RELN: variants seen among roughly 807,000 people sequenced by gnomAD.
RELN encodes reelin.
A neutral mutation model predicts 427.6 loss-of-function variants in RELN; 108 were observed. The observed-to-expected ratio is 0.25, with a 90% CI of 0.22 to 0.30. The LOEUF is 0.30. RELN is among the 10% of genes least tolerant of loss of function. The probability of loss-of-function intolerance (pLI) is 1.00; values close to 1 mark genes in which losing one functional copy is unlikely to be tolerated. For synonymous variants in RELN, 1,524 were observed against 1,513.4 expected, an observed-to-expected ratio of 1.01 and a Z score of -0.16; for missense variants, 3,715 against 4,302.8, an observed-to-expected ratio of 0.86 and a Z score of 3.82.
At chr7:103,537,970 C>T (rs537461276) in intron 45 of RELN, among the ~76,000 whole-genome samples, 2 of 152,312 alleles carry the variant, frequency 1.3e-5, no homozygotes, top group African/African-American at 4.8e-5. Flanking sequence ...CATTTTGTAT[C>T]AGCACTACTC....
At position 103,574,176 on chromosome 7, in the gene RELN, G is replaced by A. The variant is rs1830944662; in HGVS notation, c.4427C>T (p.Thr1476Ile). 8 of 1,614,156 alleles carry A rather than the reference G, an allele frequency of 5.0e-6. No individual in the cohort carries two copies. The highest frequency in any genetic ancestry group is 6.8e-6 in the Non-Finnish European group (8 of 1,180,008). Residue 1476 changes from threonine to isoleucine, a missense_variant, in exon 30 of 65, where the codon ACA becomes ATA. Around this residue, in one of 4 missense-constraint regions of RELN, gnomAD observed 2,208 missense variants for 2,361.7 expected, o/e 0.93. Coordinates refer to ENST00000428762, the MANE Select transcript of RELN (RefSeq NM_005045.4). Reference protein sequence around the residue: ...TGAQVGTGCGTLNDGKSLYFN... With the variant: ...TGAQVGTGCGILNDGKSLYFN... ...GTAGAGAGATTTGCCATCGTTAAGTGTTCCACAGCCAGTTCCAACCTGGGC... is the reference window on the plus strand; with the variant it reads ...GTAGAGAGATTTGCCATCGTTAAGTATTCCACAGCCAGTTCCAACCTGGGC...
At chr7:103,877,444 T>G (rs1056302280) in intron 2 of RELN, among the ~76,000 whole-genome samples, 1 of 152,138 alleles carries the variant, frequency 6.6e-6, no homozygotes, top group Non-Finnish European at 1.5e-5. Context: ...AACTCCAGCT[T>G]CCAAAATTGT....
intron 1 of RELN, among the ~76,000 whole-genome samples, chr7:103,970,488 T>A (rs1304326364): frequency 6.6e-6 from 1 of 152,174 alleles, no homozygotes; most frequent in African/African-American, 2.4e-5. Context: ...TTTTCTTTTT[T>A]TTTCTTTTTG....
At chr7:103,676,137 C>G (rs574772399) in intron 11 of RELN, among the ~76,000 whole-genome samples, 2 of 152,248 alleles carry the variant, frequency 1.3e-5, no homozygotes, top group East Asian at 3.9e-4. Flanking sequence ...ACAATCTACT[C>G]ATCTGACAAA....
In RELN at chr7:103,604,354, G is replaced by T. The variant is rs778717725; in HGVS notation, c.3138C>A (p.Gly1046=). The change falls in exon 23 of 65, where the codon GGC becomes GGA. Residue 1046 remains glycine (G), a synonymous_variant. Coordinates refer to ENST00000428762, the MANE Select transcript of RELN (RefSeq NM_005045.4). ...CTTTCTGGTGCACATACCTGCATATGCCATGATCGCATGAGCCATGCCCAC... is the reference window on the plus strand; with the variant it reads ...CTTTCTGGTGCACATACCTGCATATTCCATGATCGCATGAGCCATGCCCAC... ...MCSGHGSCDH[G]ICRCDQGYQG... 1 of 1,613,752 alleles carries T rather than the reference G, an allele frequency of 6.2e-7. No individual in the cohort carries two copies. Among genetic ancestry groups the T allele is most frequent in the Admixed American group, 1.7e-5 (1 of 59,992 alleles).
At chr7:103,928,942 T>C (rs1243542483) in intron 1 of RELN, among the ~76,000 whole-genome samples, 1 of 152,194 alleles carries the variant, frequency 6.6e-6, no homozygotes, top group African/African-American at 2.4e-5. Flanking sequence ...TTGGCAGGTA[T>C]ATGTTTAAAG....
chr7:103,709,045 C>A (rs918574375), intron 8 of RELN, among the ~76,000 whole-genome samples: 9 of 152,152 alleles, frequency 5.9e-5, no homozygotes, highest in Non-Finnish European at 1.3e-4. Context: ...TCAATGAACA[C>A]TTGAATGAAT....
rs146031973 is a variant in RELN at position 103,606,683 on chromosome 7, A to T, written c.3009-2200T>A. On this transcript the variant is annotated intron_variant, in intron 22 of 64. Transcript: ENST00000428762. Reference sequence around the variant, plus strand: ...ATGGGCATGGGGAAGGGTTTCAGAAACTTGTCTTAGGTTACATAGTTTATG... The same window carrying T: ...ATGGGCATGGGGAAGGGTTTCAGAATCTTGTCTTAGGTTACATAGTTTATG... Among the ~76,000 whole-genome samples, 1,121 of 152,244 alleles carry T rather than the reference A, an allele frequency of 7.4e-3. 8 individuals carry two copies. Among genetic ancestry groups the T allele is most frequent in the Non-Finnish European group, 0.011 (743 of 68,008 alleles).
At chr7:103,675,267 T>C (rs1019718095) in intron 11 of RELN, among the ~76,000 whole-genome samples, 7 of 152,194 alleles carry the variant, frequency 4.6e-5, no homozygotes, top group South Asian at 2.1e-4. Context: ...AGCCAAATCA[T>C]GAGTGAATTC....
intron 3 of RELN, among the ~76,000 whole-genome samples, chr7:103,811,735 A>G (rs1792748018): frequency 6.6e-6 from 1 of 152,256 alleles, no homozygotes; most frequent in Admixed American, 6.5e-5. Context: ...CAATTTCATA[A>G]GGGCAAAAAT....
intron 7 of RELN, among the ~76,000 whole-genome samples, chr7:103,725,012 T>C (rs1234654912): frequency 6.6e-6 from 1 of 152,072 alleles, no homozygotes. Context: ...TAAAGAGCTT[T>C]TGATAAATAA....
chr7:103,681,199 G>C (rs914596408), intron 11 of RELN, among the ~76,000 whole-genome samples: 1 of 152,092 alleles, frequency 6.6e-6, no homozygotes, highest in Non-Finnish European at 1.5e-5. Context: ...TGGAGTTCTT[G>C]GGCAAGGCAC....
chr7:103,559,219 G>A (rs1584294706), intron 36 of RELN, among the ~76,000 whole-genome samples: 1 of 152,102 alleles, frequency 6.6e-6, no homozygotes, highest in African/African-American at 2.4e-5. Context: ...CAGATATGTC[G>A]GATTCTAAAA....
At chr7:103,539,422 C>T in intron 44 of RELN, 95 bp from the exon 45 acceptor site, 3 of 1,292,988 alleles carry the variant, frequency 2.3e-6, no homozygotes, top group Non-Finnish European at 3.2e-6. Context: ...TTGTTTTGAT[C>T]TGTTGGCCTG....
chr7:103,755,963 CA>C (rs1419463988), intron 4 of RELN, among the ~76,000 whole-genome samples: 2 of 151,934 alleles, frequency 1.3e-5, no homozygotes, highest in East Asian at 3.8e-4. Context: ...AATTATTTCA[CA>C]GGTTGTGAAA....
At chr7:103,523,369 A>G in intron 47 of RELN, 22 bp downstream of exon 47, 1 of 1,614,116 alleles carries the variant, frequency 6.2e-7, no homozygotes, top group Non-Finnish European at 8.5e-7. Flanking sequence ...TTTCAACAGA[A>G]GGAAGAAAAA....
intron 11 of RELN, among the ~76,000 whole-genome samples, chr7:103,665,654 G>C (rs1372509079): frequency 6.6e-6 from 1 of 151,770 alleles, no homozygotes; most frequent in East Asian, 1.9e-4. Context: ...TTTGTCTTTG[G>C]TATTCTAAAA....
intron 60 of RELN, among the ~76,000 whole-genome samples, chr7:103,487,817 C>T (rs1828498435): frequency 6.6e-6 from 1 of 152,092 alleles, no homozygotes; most frequent in Non-Finnish European, 1.5e-5. Context: ...CGTTGGATTC[C>T]AGCACCTAAA....
In RELN at chr7:103,915,276, T is replaced by C. The variant is rs77588597; in HGVS notation, c.337+1799A>G. ...TTTCCTCAGGAACACCTTTCCAAAT[T>C]ACACCACACTTTACTCAAGACTGGA... On this transcript the variant is annotated intron_variant, in intron 2 of 64. Coordinates refer to ENST00000428762, the MANE Select transcript of RELN (RefSeq NM_005045.4). Among the ~76,000 whole-genome samples the C allele has an allele frequency of 2.8e-3, 420 of 152,258 alleles. 3 individuals are homozygous for C. Among genetic ancestry groups the C allele is most frequent in the Non-Finnish European group, 4.7e-3 (321 of 68,008 alleles).
Sources: allele counts gnomAD v4.1 joint callset (sites outside exome capture counted in the v4.1 genomes callset), GRCh38; gene constraint gnomAD v4.1.1; regional missense constraint gnomAD v4.1.1; transcripts MANE v1.5; gene names NCBI Gene and HGNC (gene_info 2026-07-23, HGNC 2026-07-21).